The following STK3 variants were observed in gnomAD, a reference collection of about 807,000 sequenced individuals.
The protein encoded by STK3 is serine/threonine kinase 3.
In STK3, 41 loss-of-function variants were observed where a neutral mutation model predicts 58.0. That is an observed-to-expected ratio of 0.71 (90% CI 0.55 to 0.92). STK3 has a LOEUF of 0.92. Among genes scored for constraint, STK3 ranks in the 40% least tolerant of loss-of-function variants. STK3 has a pLI of 0.00. For missense variants in STK3, 479 were observed against 602.7 expected (o/e 0.79, Z 2.15); for synonymous variants, 170 against 191.0 (o/e 0.89, Z 0.91).
chr8:98,598,446 T>G (rs1191031543), intron 6 of STK3: 1 of 985,286 alleles, frequency 1.0e-6, no homozygotes, highest in East Asian at 1.1e-4. Flanking sequence ...GCGTATGATC[T>G]ACACCAAAAT....
At chr8:98,691,757 C>A (rs1824420341) in intron 6 of STK3, among the ~76,000 whole-genome samples, 1 of 151,914 alleles carries the variant, frequency 6.6e-6, no homozygotes. Context: ...CATGGTGAAA[C>A]CCCGTCTCTA....
chr8:98,861,628 G>T (rs181595577), intron 3 of STK3, among the ~76,000 whole-genome samples: 2 of 152,240 alleles, frequency 1.3e-5, no homozygotes, highest in Admixed American at 1.3e-4. Context: ...GATTACAGGC[G>T]TGAGCCACCA....
chr8:98,815,127 A>G (rs1834467250), intron 1 of STK3, among the ~76,000 whole-genome samples: 1 of 152,254 alleles, frequency 6.6e-6, no homozygotes. Flanking sequence ...TGGGTCAAAG[A>G]GCAACCAGAG....
chr8:98,774,618 T>C, intron 2 of STK3, 121 bp downstream of exon 2: 1 of 634,210 alleles, frequency 1.6e-6, no homozygotes, highest in Non-Finnish European at 2.5e-6. Context: ...CTGCCAAGTT[T>C]AATTACTATT....
At position 98,731,584 on chromosome 8, in the gene STK3, G is replaced by A. The variant is rs185615704; in HGVS notation, c.351+17692C>T. Among the ~76,000 whole-genome samples, 132 of 152,098 alleles carry A rather than the reference G, an allele frequency of 8.7e-4. 1 individual carries two copies. In the East Asian group the frequency reaches 0.012, roughly 13 times the overall value. ...AACAATACCAAAAAATTAGCCAGGCGTGGTGGCAGTAGCCTGTAGTCCCAG... is the reference window on the plus strand; with the variant it reads ...AACAATACCAAAAAATTAGCCAGGCATGGTGGCAGTAGCCTGTAGTCCCAG... On this transcript the variant is annotated intron_variant, in intron 4 of 10. Coordinates refer to ENST00000419617, the MANE Select transcript of STK3 (RefSeq NM_006281.4).
At chr8:98,527,657 A>T (rs1825852084) in intron 9 of STK3, among the ~76,000 whole-genome samples, 2 of 151,972 alleles carry the variant, frequency 1.3e-5, no homozygotes, top group African/African-American at 2.4e-5. Context: ...CATAAACTTT[A>T]AAAAAATTAA....
At chr8:98,509,752 A>G (rs1469385850) in intron 10 of STK3, among the ~76,000 whole-genome samples, 1 of 151,946 alleles carries the variant, frequency 6.6e-6, no homozygotes, top group Non-Finnish European at 1.5e-5. Flanking sequence ...AAGACTGTAA[A>G]TAAACCTTAT....
At chr8:98,541,796 C>T (rs1166096553) in intron 9 of STK3, among the ~76,000 whole-genome samples, 1 of 152,160 alleles carries the variant, frequency 6.6e-6, no homozygotes, top group African/African-American at 2.4e-5. Flanking sequence ...TTTCTCTGAC[C>T]TTGAAGTTTA....
At chr8:98,602,066 A>T (rs1360625756) in intron 6 of STK3, 1 of 152,238 alleles carries the variant, frequency 6.6e-6, no homozygotes, top group Admixed American at 6.5e-5. Context: ...ATAAAATACA[A>T]GACAAGTGCT....
rs1339642218 is a variant in STK3, at chr8:98,800,951, G to A, written c.26+24564C>T. On this transcript the variant is annotated intron_variant, in intron 1 of 10. Coordinates refer to ENST00000419617, the MANE Select transcript of STK3 (RefSeq NM_006281.4). This position sits in a 1 kb window ranked among gnomAD's most constrained non-coding sequence, Gnocchi z 4.8. ...TCCACGGCGTCCGGTCCCATAAACC[G>A]CCCAAGGGCTGAGGAGTGCAGGCGC... Among the ~76,000 whole-genome samples, 3 of 152,230 alleles carry A rather than the reference G, an allele frequency of 2.0e-5. No individual in the cohort carries two copies. Among genetic ancestry groups the A allele is most frequent in the Admixed American group, 1.3e-4 (2 of 15,286 alleles).
intron 3 of STK3, among the ~76,000 whole-genome samples, chr8:98,752,523 A>G (rs1357156075): frequency 6.6e-6 from 1 of 152,180 alleles, no homozygotes; most frequent in African/African-American, 2.4e-5. Flanking sequence ...CCTAGGCAAT[A>G]CCATCCAGGA....
At chr8:98,633,469 T>C (rs1819403980) in intron 6 of STK3, 2 of 592,500 alleles carry the variant, frequency 3.4e-6, no homozygotes, top group South Asian at 3.9e-5. Context: ...TTGGTACTGA[T>C]CCAGAAGAAG....
chr8:98,429,114 G>T lies in STK3; in HGVS notation n.483+5013C>A, dbSNP rs755556276. 5 of 1,613,468 alleles carry T rather than the reference G, an allele frequency of 3.1e-6. No homozygotes were observed. The highest frequency in any genetic ancestry group is 3.4e-6 in the Non-Finnish European group (4 of 1,179,508). The stretch of plus-strand genomic sequence containing the variant: ...CAGTATGACCACAGTGGGGTACGGG[G>T]ATGTGGTCCCAGGGACCACGGCAGG... On this transcript the variant is annotated intron_variant and non_coding_transcript_variant, in intron 3 of 3. Coordinates refer to the STK3 transcript ENST00000517832.
intron 1 of STK3, chr8:98,782,562 A>G: frequency 3.2e-6 from 1 of 313,878 alleles, no homozygotes; most frequent in Non-Finnish European, 6.4e-6. Flanking sequence ...TACCATGAAG[A>G]GCGCCTCCAG....
chr8:98,845,901 G>A (rs1239372089), intron 3 of STK3, among the ~76,000 whole-genome samples: 2 of 152,194 alleles, frequency 1.3e-5, no homozygotes. Context: ...CACTGCCGCT[G>A]CACCACTACT....
At chr8:98,878,975 T>C (rs1048208156), downstream of STK3, 2 of 148,070 alleles carry the variant, frequency 1.4e-5, no homozygotes, top group Non-Finnish European at 3.0e-5. Context: ...TTCTGCTCAC[T>C]GCAACCTCGG....
intron 4 of STK3, among the ~76,000 whole-genome samples, chr8:98,712,475 G>A (rs1423553305): frequency 6.6e-5 from 10 of 151,280 alleles, no homozygotes; most frequent in African/African-American, 1.7e-4. Flanking sequence ...AAAGGCAGGG[G>A]TTGCAATCCT....
intron 6 of STK3, among the ~76,000 whole-genome samples, chr8:98,650,708 G>T (rs1820830794): frequency 6.6e-6 from 1 of 152,238 alleles, no homozygotes; most frequent in Admixed American, 6.5e-5. Flanking sequence ...GGCTCGGAGG[G>T]TCCTACGCCC....
At chr8:98,574,736 A>C (rs1813252615) in intron 8 of STK3, among the ~76,000 whole-genome samples, 1 of 152,214 alleles carries the variant, frequency 6.6e-6, no homozygotes, top group Non-Finnish European at 1.5e-5. Flanking sequence ...CAGGCTGAGA[A>C]AACTATCTAG....
Sources: allele counts gnomAD v4.1 joint callset (sites outside exome capture counted in the v4.1 genomes callset), GRCh38; gene constraint gnomAD v4.1.1; non-coding constraint Gnocchi (gnomAD v3.1); transcripts MANE v1.5; gene names NCBI Gene and HGNC (gene_info 2026-07-23, HGNC 2026-07-21).